Variants in EFHB observed in about 807,000 individuals in gnomAD.
EFHB encodes EF-hand domain family member B.
A neutral mutation model predicts 87.2 loss-of-function variants in EFHB; 91 were observed. That is an observed-to-expected ratio of 1.04 (90% CI 0.88 to 1.24). The LOEUF (loss-of-function observed/expected upper bound fraction) is 1.24. EFHB is among the 50% of genes most tolerant of loss of function. The probability of loss-of-function intolerance (pLI) is 0.00; values close to 1 mark genes in which losing one functional copy is unlikely to be tolerated. For synonymous variants in EFHB, 325 were observed against 333.6 expected (o/e 0.97, Z 0.28); for missense variants, 1,084 against 998.8 (o/e 1.09, Z -1.15).
chr3:19,908,871 C>CT (rs1553632219), intron 5 of EFHB, among the ~76,000 whole-genome samples: 4 of 151,952 alleles, frequency 2.6e-5, no homozygotes, highest in Non-Finnish European at 5.9e-5. Flanking sequence ...AGCAGGCTCC[C>CT]TAAAAGCATG....
intron 6 of EFHB, among the ~76,000 whole-genome samples, chr3:19,900,375 A>G (rs1201788512): frequency 6.6e-6 from 1 of 152,240 alleles, no homozygotes; most frequent in African/African-American, 2.4e-5. Context: ...TAGTAATAAA[A>G]TAAATGTAAA....
At position 19,885,374 on chromosome 3, in the gene EFHB, G is replaced by A. The variant is rs201614930; in HGVS notation, c.1934-759C>T. Among the ~76,000 whole-genome samples the A allele has an allele frequency of 5.9e-5, 9 of 152,296 alleles. No homozygotes were observed. The East Asian group carries it at 1.3e-3, about 23-fold the overall frequency. ...GGGAGCATGCACTACAACATCAAGA[G>A]AGATGATAAGAACTCACTGTGAGCT... On this transcript the variant is annotated intron_variant, in intron 10 of 12. Transcript: ENST00000295824.
chr3:19,919,731 G>A, intron 3 of EFHB, 102 bp downstream of exon 3: 1 of 1,174,856 alleles, frequency 8.5e-7, no homozygotes, highest in Non-Finnish European at 1.2e-6. Flanking sequence ...AAAAATATGG[G>A]TGGGAAGGAG....
chr3:19,938,017 T>G (rs1696062742), upstream of EFHB, among the ~76,000 whole-genome samples: 3 of 152,140 alleles, frequency 2.0e-5, no homozygotes, highest in South Asian at 6.2e-4. Context: ...GTGAGAGAGG[T>G]GGAAGACTGA....
At chr3:19,898,479 C>T (rs1296935276) in intron 8 of EFHB, among the ~76,000 whole-genome samples, 1 of 152,140 alleles carries the variant, frequency 6.6e-6, no homozygotes, top group Non-Finnish European at 1.5e-5. Flanking sequence ...AAAGCTGCCC[C>T]ACTTCACTTT....
In EFHB at chr3:19,898,817, C is replaced by T. The variant is rs1694571019; in HGVS notation, c.1531G>A (p.Asp511Asn). 1 of 1,613,764 alleles carries T rather than the reference C, an allele frequency of 6.2e-7. No individual in the cohort carries two copies. The highest frequency in any genetic ancestry group is 8.5e-7 in the Non-Finnish European group (1 of 1,179,806). The change falls in exon 8 of 13, where the codon GAC becomes AAC. Residue 511 changes from aspartate to asparagine, a missense_variant. Physicochemically the swap from Asp to Asn is conservative, Grantham distance 23. Transcript: ENST00000295824. The stretch of plus-strand genomic sequence containing the variant: ...CGGAGACAAGCTCCAAATGTGCAGT[C>T]TGGGGGAACATTCATTGTTTCTGCA... ...PIAETMNVPP[D>N]CTFGACLRPE... is the part of the protein sequence containing the mutation.
At chr3:19,945,773 C>G (rs1696260887) in intron 1 of EFHB, 1 of 152,296 alleles carries the variant, frequency 6.6e-6, no homozygotes, top group Admixed American at 6.5e-5. Context: ...CTTCTGGCAA[C>G]TAGGTAGTTG....
intron 1 of EFHB, among the ~76,000 whole-genome samples, chr3:19,932,680 CAT>C (rs1695868969): frequency 6.6e-6 from 1 of 152,222 alleles, no homozygotes; most frequent in Non-Finnish European, 1.5e-5. Flanking sequence ...AAGGAAGAAT[CAT>C]GTGTGTTTTT....
At chr3:19,880,431 T>C (rs1485178803) in intron 12 of EFHB, among the ~76,000 whole-genome samples, 2 of 151,910 alleles carry the variant, frequency 1.3e-5, no homozygotes, top group Non-Finnish European at 2.9e-5. Context: ...TTTGTATTTG[T>C]AGTAGAGATG....
At chr3:19,936,870 A>AAAC, upstream of EFHB, among the ~76,000 whole-genome samples, 1 of 133,772 alleles carries the variant, frequency 7.5e-6, no homozygotes, top group African/African-American at 2.9e-5. Flanking sequence ...CTCCATCTCA[A>AAAC]AATAATAAAT....
intron 9 of EFHB, among the ~76,000 whole-genome samples, chr3:19,892,539 C>T (rs1267052261): frequency 6.6e-6 from 1 of 152,212 alleles, no homozygotes; most frequent in Admixed American, 6.5e-5. Flanking sequence ...AATCCCGGGC[C>T]AGTAGGGTTG....
intron 3 of EFHB, among the ~76,000 whole-genome samples, chr3:19,919,193 T>G (rs903639208): frequency 4.6e-5 from 7 of 151,900 alleles, no homozygotes; most frequent in Non-Finnish European, 7.4e-5. Flanking sequence ...GACAGTCTTT[T>G]TTTGTTTGTT....
chr3:19,885,903 CA>C (rs1559444659), intron 10 of EFHB, among the ~76,000 whole-genome samples: 1 of 152,148 alleles, frequency 6.6e-6, no homozygotes, highest in East Asian at 1.9e-4. Context: ...CACTTTTCTC[CA>C]AAAGTCAACA....
intron 5 of EFHB, 78 bp from the exon 6 acceptor site, chr3:19,905,827 A>C: frequency 7.4e-6 from 11 of 1,480,008 alleles, no homozygotes; most frequent in Non-Finnish European, 9.1e-6. Context: ...CTATGTTCTC[A>C]TTGACATTGA....
upstream of EFHB, among the ~76,000 whole-genome samples, chr3:19,934,408 C>T (rs1387136454): frequency 3.9e-5 from 5 of 128,316 alleles, no homozygotes; most frequent in African/African-American, 1.5e-4. Flanking sequence ...CTTCTCTCTC[C>T]TCTCTCTCCC....
chr3:19,940,375 T>C, intron 1 of EFHB: 1 of 409,120 alleles, frequency 2.4e-6, no homozygotes, highest in South Asian at 1.9e-5. Context: ...AATGATGGGA[T>C]TGCAGACTCT....
intron 6 of EFHB, among the ~76,000 whole-genome samples, chr3:19,899,776 G>T (rs1043611798): frequency 3.3e-5 from 5 of 152,124 alleles, no homozygotes; most frequent in African/African-American, 1.2e-4. Flanking sequence ...TATCACTATT[G>T]TAAGTGTAGC....
chr3:19,891,156 T>C (rs560320324), intron 9 of EFHB, among the ~76,000 whole-genome samples: 1 of 152,248 alleles, frequency 6.6e-6, no homozygotes, highest in East Asian at 1.9e-4. Context: ...AGCCTCAAAC[T>C]CCTGGGCTCA....
Position 19,933,691 on chromosome 3 carries a change from C to A in EFHB, c.328G>T (p.Gly110Trp). ...TKPSLLPGRMGLENESLLAGY... is the reference protein window; with the variant it reads ...TKPSLLPGRMWLENESLLAGY... ...GCAAGAAGACTCTCATTTTCTAACC[C>A]CATTCTTCCTGGCAACAGAGAAGGT... The change falls in exon 1 of 13, where the codon GGG becomes TGG. Residue 110 changes from glycine (G) to tryptophan (W), a missense_variant. Physicochemically the swap from Gly to Trp is radical, Grantham distance 184. Transcript: ENST00000295824. The A allele has an allele frequency of 6.2e-7, 1 of 1,613,990 alleles. No individual in the cohort carries two copies. Among genetic ancestry groups the A allele is most frequent in the Non-Finnish European group, 8.5e-7 (1 of 1,179,878 alleles).
Sources: allele counts gnomAD v4.1 joint callset (sites outside exome capture counted in the v4.1 genomes callset), GRCh38; gene constraint gnomAD v4.1.1; transcripts MANE v1.5; gene names NCBI Gene and HGNC (gene_info 2026-07-23, HGNC 2026-07-21).